Variants in CELF2 observed in about 807,000 individuals in gnomAD.
CELF2 encodes the protein CUGBP Elav-like family member 2.
In CELF2, 8 loss-of-function variants were observed where a neutral mutation model predicts 62.6. The observed-to-expected ratio is 0.13, with a 90% CI of 0.07 to 0.23. The LOEUF (loss-of-function observed/expected upper bound fraction) is 0.23. CELF2 is among the 10% of genes least tolerant of loss of function. The pLI, the probability that CELF2 is intolerant of heterozygous loss-of-function variation, is 1.00. For missense variants in CELF2, 333 were observed against 671.0 expected, an observed-to-expected ratio of 0.50 and a Z score of 5.56; for synonymous variants, 258 against 250.0, an observed-to-expected ratio of 1.03 and a Z score of -0.30.
At chr10:11,225,671 A>G (rs1482901313) in intron 3 of CELF2, among the ~76,000 whole-genome samples, 1 of 152,156 alleles carries the variant, frequency 6.6e-6, no homozygotes, top group Non-Finnish European at 1.5e-5. Flanking sequence ...GGGCAAGGGG[A>G]TGGACTCGAA....
intron 2 of CELF2, among the ~76,000 whole-genome samples, chr10:11,170,071 G>C (rs2068371886): frequency 6.6e-6 from 1 of 152,222 alleles, no homozygotes. Context: ...ACATGGTGCT[G>C]AGTGTAGATG....
chr10:11,058,742 A>G (rs1196214762), intron 1 of CELF2, among the ~76,000 whole-genome samples: 1 of 151,888 alleles, frequency 6.6e-6, no homozygotes, highest in African/African-American at 2.4e-5. Flanking sequence ...TGCTGGGATT[A>G]CAGACATGAC....
chr10:11,076,972 T>C (rs979987411), intron 1 of CELF2, among the ~76,000 whole-genome samples: 6 of 152,228 alleles, frequency 3.9e-5, no homozygotes, highest in South Asian at 2.1e-4. Flanking sequence ...ATTGGACTTG[T>C]AGATAATACC....
intron 7 of CELF2, among the ~76,000 whole-genome samples, chr10:11,271,518 C>T (rs2083772463): frequency 6.6e-6 from 1 of 152,166 alleles, no homozygotes; most frequent in South Asian, 2.1e-4. Context: ...TTGAGAGCGG[C>T]GTTTGTAGTA....
the CELF2 span, among the ~76,000 whole-genome samples, chr10:10,525,429 T>G: frequency 6.6e-6 from 1 of 152,170 alleles, no homozygotes; most frequent in Admixed American, 6.5e-5. Flanking sequence ...CAGGCAATTC[T>G]TCTTCCAATG....
intron 1 of CELF2, among the ~76,000 whole-genome samples, chr10:10,874,612 G>A (rs1485609120): frequency 6.6e-6 from 1 of 152,168 alleles, no homozygotes; most frequent in African/African-American, 2.4e-5. Context: ...AATTGTTAGT[G>A]TGATTTGTAA....
chr10:10,649,594 T>A, the CELF2 span, among the ~76,000 whole-genome samples: 36 of 152,216 alleles, frequency 2.4e-4, no homozygotes, highest in African/African-American at 8.4e-4. Flanking sequence ...TTAAATTCAC[T>A]GACATTACCT....
chr10:11,131,990 A>G (rs1283469800), intron 1 of CELF2, among the ~76,000 whole-genome samples: 1 of 152,214 alleles, frequency 6.6e-6, no homozygotes, highest in African/African-American at 2.4e-5. Context: ...ATTCATCAAT[A>G]AAACCGTAAT....
At chr10:10,772,031 A>T in the CELF2 span, among the ~76,000 whole-genome samples, 1 of 152,296 alleles carries the variant, frequency 6.6e-6, no homozygotes, top group East Asian at 1.9e-4. Flanking sequence ...AGACAATTCC[A>T]TGCCTTAGAC....
chr10:10,898,439 A>G (rs1010889759), intron 1 of CELF2, among the ~76,000 whole-genome samples: 1 of 152,200 alleles, frequency 6.6e-6, no homozygotes, highest in Admixed American at 6.5e-5. Context: ...CTAAGTAACT[A>G]ATACCCAAAT....
At chr10:11,167,687 T>G (rs924258129) in intron 2 of CELF2, among the ~76,000 whole-genome samples, 1 of 152,258 alleles carries the variant, frequency 6.6e-6, no homozygotes, top group Non-Finnish European at 1.5e-5. Flanking sequence ...TGTGCCTGAT[T>G]ACTAATTTGG....
At chr10:10,508,265 T>G in the CELF2 span, among the ~76,000 whole-genome samples, 3 of 152,124 alleles carry the variant, frequency 2.0e-5, no homozygotes, top group Non-Finnish European at 4.4e-5. Context: ...CATGCTGTCT[T>G]GCATGTAAAA....
the CELF2 span, among the ~76,000 whole-genome samples, chr10:10,718,378 C>T: frequency 6.6e-6 from 1 of 152,128 alleles, no homozygotes; most frequent in Non-Finnish European, 1.5e-5. Flanking sequence ...AATCCCAGCA[C>T]TTTGGGAGGC....
chr10:11,065,118 T>C (rs989859429), intron 1 of CELF2, among the ~76,000 whole-genome samples: 1 of 152,232 alleles, frequency 6.6e-6, no homozygotes, highest in African/African-American at 2.4e-5. Flanking sequence ...GTGAGTTTCC[T>C]TTCATAACTT....
intron 2 of CELF2, among the ~76,000 whole-genome samples, chr10:10,941,325 C>A (rs2047027361): frequency 6.6e-6 from 1 of 152,118 alleles, no homozygotes; most frequent in South Asian, 2.1e-4. Flanking sequence ...CCTCCCTTGA[C>A]CCTGGAACTG....
chr10:11,108,462 A>G (rs575379861), intron 1 of CELF2, among the ~76,000 whole-genome samples: 11 of 151,964 alleles, frequency 7.2e-5, no homozygotes, highest in African/African-American at 2.7e-4. Context: ...TAGATCACCC[A>G]CATGTTATCT....
At position 11,267,677 on chromosome 10, in the gene CELF2, T is replaced by G. The variant is rs962838802; in HGVS notation, c.618+1000T>G. Among the ~76,000 whole-genome samples the G allele has an allele frequency of 1.3e-5, 2 of 152,210 alleles. No homozygotes were observed. The highest frequency in any genetic ancestry group is 4.8e-5 in the African/African-American group (2 of 41,458). On this transcript the variant is annotated intron_variant, in intron 6 of 12. Coordinates refer to ENST00000633077, the MANE Select transcript of CELF2 (RefSeq NM_001326342.2). This position sits in a 1 kb window ranked among gnomAD's most constrained non-coding sequence, Gnocchi z 4.4. Reference sequence around the variant, plus strand: ...CCCCCCATTTTGTTGGGGTTTTATTTTTTTGTTTGTTTGTTTTTGTTTGTT... The same window carrying G: ...CCCCCCATTTTGTTGGGGTTTTATTGTTTTGTTTGTTTGTTTTTGTTTGTT...
chr10:11,271,134 G>A (rs2083632920), intron 7 of CELF2, among the ~76,000 whole-genome samples: 1 of 152,162 alleles, frequency 6.6e-6, no homozygotes, highest in African/African-American at 2.4e-5. Flanking sequence ...GAGGCCGCTG[G>A]GCTGGCTCAT....
At chr10:10,673,351 G>A in the CELF2 span, among the ~76,000 whole-genome samples, 1 of 152,128 alleles carries the variant, frequency 6.6e-6, no homozygotes, top group Admixed American at 6.5e-5. Context: ...TCCTTGCCTT[G>A]TTCATGATCT....
Sources: gnomAD v4.1 joint callset for allele counts (sites outside exome capture counted in the v4.1 genomes callset) on GRCh38, gnomAD v4.1.1 for gene constraint, Gnocchi (gnomAD v3.1) non-coding constraint, MANE v1.5 for transcripts, NCBI Gene and HGNC (gene_info 2026-07-23, HGNC 2026-07-21) for gene names.